SGCD: variants seen among roughly 807,000 people sequenced by gnomAD.
SGCD encodes the protein delta-sarcoglycan.
Under a neutral mutation model 36.6 loss-of-function variants are expected in SGCD, and 18 were observed. The ratio of observed to expected loss-of-function variants is 0.49; its 90% CI spans 0.34 to 0.73. The LOEUF is 0.73. Ranked by LOEUF, SGCD falls within the 30% of genes least tolerant of loss-of-function variation. The pLI is 0.01. For missense variants in SGCD, 387 were observed against 346.7 expected (o/e 1.12, Z -0.92); for synonymous variants, 133 against 130.6 (o/e 1.02, Z -0.12).
chr5:156,061,333 A>G (rs1396958422), intron 1 of SGCD, among the ~76,000 whole-genome samples: 1 of 146,182 alleles, frequency 6.8e-6, no homozygotes, highest in Non-Finnish European at 1.5e-5. Flanking sequence ...TAGACAAAAG[A>G]AACAGAGACA....
rs1486948739 is a variant in SGCD at position 156,763,104 on chromosome 5, AG to A, written c.*3715del. ...GGAAAAGGAAAGTTATGATCCTCCA[AG>A]ACCCTTAATTGATAGACCATACCAG... On this transcript the variant is annotated 3_prime_UTR_variant, in exon 9 of 9. Coordinates refer to ENST00000337851, the MANE Select transcript of SGCD (RefSeq NM_000337.6). 6.5e-6 allele frequency: 1 copy of A among 152,686 alleles called. No homozygotes were observed. The highest frequency in any genetic ancestry group is 2.4e-5 in the African/African-American group (1 of 41,456). The allele number at this position is 152,686 out of a possible 1,614,324, so 9.5% of individuals were successfully genotyped here.
At chr5:155,876,770 A>G (rs1228426863) in intron 1 of SGCD, among the ~76,000 whole-genome samples, 2 of 152,146 alleles carry the variant, frequency 1.3e-5, no homozygotes, top group Non-Finnish European at 2.9e-5. Context: ...CAAATAAGAA[A>G]CTATGAAAAA....
At chr5:156,161,116 C>T (rs1038762331) in intron 3 of SGCD, among the ~76,000 whole-genome samples, 12 of 151,674 alleles carry the variant, frequency 7.9e-5, no homozygotes, top group Admixed American at 5.2e-4. Flanking sequence ...TTACAAGTGT[C>T]TATGGCTTTG....
At chr5:156,698,527 G>A (rs1754404835) in intron 7 of SGCD, among the ~76,000 whole-genome samples, 1 of 152,228 alleles carries the variant, frequency 6.6e-6, no homozygotes, top group African/African-American at 2.4e-5. Flanking sequence ...ATGCAGAACA[G>A]GAGTCCCTTC....
At chr5:155,964,980 C>T (rs529062269) in intron 1 of SGCD, among the ~76,000 whole-genome samples, 1 of 152,158 alleles carries the variant, frequency 6.6e-6, no homozygotes, top group South Asian at 2.1e-4. Flanking sequence ...ATTGTACCAC[C>T]CTTTCTGGCC....
chr5:155,945,430 C>T (rs1461822267), intron 1 of SGCD, among the ~76,000 whole-genome samples: 1 of 152,160 alleles, frequency 6.6e-6, no homozygotes, highest in Admixed American at 6.5e-5. Context: ...ATCCCTTCCA[C>T]TCATAGGATT....
chr5:156,465,156 C>T (rs1395488298), intron 3 of SGCD, among the ~76,000 whole-genome samples: 1 of 152,152 alleles, frequency 6.6e-6, no homozygotes, highest in Non-Finnish European at 1.5e-5. Flanking sequence ...ATCAGTGTTA[C>T]ATCCTCTAGG....
intron 1 of SGCD, among the ~76,000 whole-genome samples, chr5:156,097,076 G>A (rs1415865746): frequency 6.6e-6 from 1 of 151,024 alleles, no homozygotes; most frequent in Non-Finnish European, 1.5e-5. Flanking sequence ...TATTTAAATT[G>A]GCTTTTCCCT....
chr5:156,441,286 A>C (rs1466761570), intron 3 of SGCD, among the ~76,000 whole-genome samples: 1 of 151,988 alleles, frequency 6.6e-6, no homozygotes, highest in African/African-American at 2.4e-5. Flanking sequence ...AATAGACCTG[A>C]GTTTCAATCC....
At chr5:156,314,124 T>C (rs1178138038) in intron 3 of SGCD, among the ~76,000 whole-genome samples, 1 of 151,878 alleles carries the variant, frequency 6.6e-6, no homozygotes, top group East Asian at 1.9e-4. Flanking sequence ...GCCAGTTTAG[T>C]CAAAAATATA....
chr5:156,342,301 A>G (rs1177502482), intron 2 of SGCD, among the ~76,000 whole-genome samples: 1 of 152,212 alleles, frequency 6.6e-6, no homozygotes, highest in Non-Finnish European at 1.5e-5. Context: ...ACTTATTTGT[A>G]AAGAATTTCT....
intron 1 of SGCD, among the ~76,000 whole-genome samples, chr5:155,968,769 A>C (rs1474906820): frequency 6.6e-6 from 1 of 152,050 alleles, no homozygotes; most frequent in African/African-American, 2.4e-5. Flanking sequence ...CGAATTGTAC[A>C]TTTGCATCCC....
intron 4 of SGCD, among the ~76,000 whole-genome samples, chr5:156,579,360 A>G (rs1041742666): frequency 6.6e-6 from 1 of 152,150 alleles, no homozygotes; most frequent in Non-Finnish European, 1.5e-5. Context: ...AAGAAGTGTG[A>G]TGTGGTCCTG....
At chr5:156,588,750 T>G (rs1760595777) in intron 4 of SGCD, among the ~76,000 whole-genome samples, 1 of 152,214 alleles carries the variant, frequency 6.6e-6, no homozygotes, top group Non-Finnish European at 1.5e-5. Context: ...CAAAGGATTC[T>G]TATAGTTGGT....
At chr5:156,013,067 C>T (rs1253405991) in intron 1 of SGCD, among the ~76,000 whole-genome samples, 11 of 150,234 alleles carry the variant, frequency 7.3e-5, no homozygotes, top group Non-Finnish European at 1.6e-4. Context: ...GCTCTGTCGC[C>T]AAGGCTGGAG....
chr5:156,322,113 A>G (rs1240880498), upstream of SGCD, among the ~76,000 whole-genome samples: 1 of 152,152 alleles, frequency 6.6e-6, no homozygotes, highest in Non-Finnish European at 1.5e-5. Flanking sequence ...CCTAGCTTGT[A>G]TTTCAGGCCT....
chr5:155,823,972 T>C, the SGCD span, among the ~76,000 whole-genome samples: 2 of 152,144 alleles, frequency 1.3e-5, no homozygotes, highest in African/African-American at 4.8e-5. Flanking sequence ...AGGAAATCAT[T>C]AGCCTGTCTT....
At chr5:156,714,413 ATG>A (rs1452239393) in intron 7 of SGCD, among the ~76,000 whole-genome samples, 3 of 152,218 alleles carry the variant, frequency 2.0e-5, no homozygotes, top group African/African-American at 7.2e-5. Context: ...AGAGAAAAAT[ATG>A]TGTTAGATAA....
chr5:156,138,837 G>A (rs180778344), intron 3 of SGCD, among the ~76,000 whole-genome samples: 1 of 152,100 alleles, frequency 6.6e-6, no homozygotes, highest in South Asian at 2.1e-4. Context: ...CTATTTTCTT[G>A]TCAATACTTG....
Sources: gnomAD v4.1 joint callset for allele counts (sites outside exome capture counted in the v4.1 genomes callset) on GRCh38, gnomAD v4.1.1 for gene constraint, MANE v1.5 for transcripts, NCBI Gene and HGNC (gene_info 2026-07-23, HGNC 2026-07-21) for gene names.